Variants in SLC35H1 observed in about 807,000 individuals in gnomAD.
SLC35H1 encodes solute carrier family 35 member H1, also known as ovarian cancer-overexpressed gene 1 protein.
chr20:46,356,653 C>A, the SLC35H1 span: 1 of 1,612,616 alleles, frequency 6.2e-7, no homozygotes. Context: ...AAGACACAGG[C>A]ACCCACAGGA....
the SLC35H1 span, chr20:46,350,880 G>A: frequency 6.2e-7 from 1 of 1,613,968 alleles, no homozygotes; most frequent in Non-Finnish European, 8.5e-7. Flanking sequence ...CAACAGCAAA[G>A]TGCAGACTTC....
At chr20:46,350,869 C>T in the SLC35H1 span, 1 of 1,614,022 alleles carries the variant, frequency 6.2e-7, no homozygotes, top group Non-Finnish European at 8.5e-7. Context: ...AGATGAGCTG[C>T]CAACAGCAAA....
chr20:46,357,748 G>A, the SLC35H1 span: 10 of 1,614,110 alleles, frequency 6.2e-6, no homozygotes, highest in South Asian at 1.1e-5. Flanking sequence ...GTGCAGCATC[G>A]TCATGAAGAG....
the SLC35H1 span, chr20:46,352,748 AGGAGATCCTAGCGGGATGAT>A: frequency 1.3e-5 from 2 of 154,920 alleles, no homozygotes; most frequent in African/African-American, 2.4e-5. Flanking sequence ...AGTGGGATGA[AGGAGATCCTAGCGGGATGAT>A]GGAGATCCTA....
At chr20:46,350,910 A>C in the SLC35H1 span, 5 of 1,613,168 alleles carry the variant, frequency 3.1e-6, no homozygotes, top group Non-Finnish European at 4.2e-6. Context: ...GAGAAGCAGG[A>C]GGGAGCATGA....
chr20:46,356,511 C>A, the SLC35H1 span: 4 of 1,562,154 alleles, frequency 2.6e-6, no homozygotes, highest in Admixed American at 3.4e-5. Context: ...TGTGCAGACA[C>A]CCCGCTGGAC....
the SLC35H1 span, among the ~76,000 whole-genome samples, chr20:46,363,376 ACTGC>A: frequency 1.3e-5 from 2 of 152,172 alleles, no homozygotes; most frequent in Non-Finnish European, 2.9e-5. Context: ...CATATATCTA[ACTGC>A]CTATTTGGTA....
the SLC35H1 span, chr20:46,358,871 A>G: frequency 1.4e-6 from 1 of 739,884 alleles, no homozygotes; most frequent in Admixed American, 2.0e-5. Context: ...GGGGCTGCCC[A>G]CAACGGCACA....
At chr20:46,356,778 A>C in the SLC35H1 span, 1 of 716,082 alleles carries the variant, frequency 1.4e-6, no homozygotes, top group Non-Finnish European at 2.4e-6. Context: ...CTTCTTTTCC[A>C]CCAGCAACTA....
chr20:46,354,910 C>T, the SLC35H1 span: 1 of 1,611,820 alleles, frequency 6.2e-7, no homozygotes, highest in African/African-American at 1.3e-5. Flanking sequence ...GAGGGAAGAG[C>T]CCCAGGAACA....
the SLC35H1 span, among the ~76,000 whole-genome samples, chr20:46,356,397 CG>C: frequency 1.3e-5 from 2 of 152,178 alleles, no homozygotes; most frequent in Admixed American, 1.3e-4. Context: ...GCTGGGCTTA[CG>C]GAAGAGGCTG....
At chr20:46,356,427 G>A in the SLC35H1 span, 1 of 751,450 alleles carries the variant, frequency 1.3e-6, no homozygotes, top group Non-Finnish European at 2.3e-6. Context: ...CCGGAGAGCT[G>A]CTGGGTGCCA....
the SLC35H1 span, chr20:46,347,105 C>T: frequency 6.6e-6 from 1 of 152,320 alleles, no homozygotes; most frequent in Admixed American, 6.5e-5. Context: ...TTCACAGTAG[C>T]TTCCTTCAGG....
chr20:46,354,676 G>A, the SLC35H1 span, among the ~76,000 whole-genome samples: 4 of 152,338 alleles, frequency 2.6e-5, no homozygotes, highest in African/African-American at 4.8e-5. Flanking sequence ...TCAGGGCTCT[G>A]TGCACACTTA....
chr20:46,357,680 G>A, the SLC35H1 span: 1 of 1,614,154 alleles, frequency 6.2e-7, no homozygotes, highest in East Asian at 2.2e-5. Flanking sequence ...CGGGCCCTGT[G>A]GCTGGAGCAC....
chr20:46,347,074 C>T, the SLC35H1 span: 52 of 152,270 alleles, frequency 3.4e-4, no homozygotes, highest in African/African-American at 1.2e-3. Flanking sequence ...GTGTGCTTTA[C>T]CTACATTATT....
At chr20:46,357,871 A>C in the SLC35H1 span, 1 of 1,385,120 alleles carries the variant, frequency 7.2e-7, no homozygotes, top group Non-Finnish European at 1.0e-6. Context: ...AGTGGGGCTC[A>C]TTCGGTGGTT....
chr20:46,355,496 T>G, the SLC35H1 span: 5 of 618,134 alleles, frequency 8.1e-6, no homozygotes, highest in East Asian at 1.4e-4. This position sits in a 1 kb window ranked among gnomAD's most constrained non-coding sequence, Gnocchi z 4.8. Flanking sequence ...CCCCAAGTGG[T>G]CCCACCTCCT....
At chr20:46,358,095 C>T in the SLC35H1 span, among the ~76,000 whole-genome samples, 1 of 152,214 alleles carries the variant, frequency 6.6e-6, no homozygotes, top group Admixed American at 6.5e-5. Flanking sequence ...CGTTGTATCA[C>T]TTATTAAAAT....
Sources: allele counts gnomAD v4.1 joint callset (sites outside exome capture counted in the v4.1 genomes callset), GRCh38; gene constraint gnomAD v4.1.1; non-coding constraint Gnocchi (gnomAD v3.1); transcripts MANE v1.5; gene names NCBI Gene and HGNC (gene_info 2026-07-23, HGNC 2026-07-21).